GDI2: variants seen among roughly 807,000 people sequenced by gnomAD.
GDI2 encodes the protein rab GDP dissociation inhibitor beta.
GDI2 carries 22 observed loss-of-function variants against 54.2 expected under a neutral mutation model. That is an observed-to-expected ratio of 0.41 (90% CI 0.29 to 0.58). GDI2 has a LOEUF of 0.58. GDI2 is among the 20% of genes least tolerant of loss of function. The probability of loss-of-function intolerance (pLI) is 0.35; values close to 1 mark genes in which losing one functional copy is unlikely to be tolerated. For missense variants in GDI2, 422 were observed against 546.0 expected (o/e 0.77, Z 2.26); for synonymous variants, 177 against 182.1 (o/e 0.97, Z 0.23).
intron 1 of GDI2, among the ~76,000 whole-genome samples, chr10:5,812,674 C>A (rs578162208): frequency 1.3e-5 from 2 of 152,316 alleles, no homozygotes; most frequent in South Asian, 4.1e-4. Context: ...CACGTTTTCG[C>A]CAAAAATATA....
intron 4 of GDI2, among the ~76,000 whole-genome samples, chr10:5,792,832 G>GA (rs1040040160): frequency 2.0e-5 from 3 of 151,208 alleles, no homozygotes; most frequent in African/African-American, 4.9e-5. Context: ...TTATATATCT[G>GA]AAAAAATCAG....
intron 3 of GDI2, among the ~76,000 whole-genome samples, chr10:5,796,155 G>C (rs530959540): frequency 3.6e-4 from 55 of 152,058 alleles, no homozygotes; most frequent in African/African-American, 1.3e-3. Flanking sequence ...TTCAAGACCA[G>C]CCTGGCCAAC....
chr10:5,766,230 TC>T lies in GDI2; in HGVS notation c.1191+10del. On this transcript the variant is annotated intron_variant, in intron 10 of 10. Transcript: ENST00000380191. This position sits in a 1 kb window ranked among gnomAD's most constrained non-coding sequence, Gnocchi z 5.8. Reference sequence around the variant, plus strand: ...AAACCTGCCCATATCCTTTCACACTTCCATACTCACCTGGCTTTCTGTTCCC... The same window carrying T: ...AAACCTGCCCATATCCTTTCACACTTCATACTCACCTGGCTTTCTGTTCCC... 2 of 1,612,396 alleles carry T rather than the reference TC, an allele frequency of 1.2e-6. No homozygotes were observed. The highest frequency in any genetic ancestry group is 1.3e-5 in the African/African-American group (1 of 75,010).
At chr10:5,788,581 G>A (rs1333983328) in intron 4 of GDI2, among the ~76,000 whole-genome samples, 1 of 151,962 alleles carries the variant, frequency 6.6e-6, no homozygotes, top group Non-Finnish European at 1.5e-5. Context: ...ACTAACGATA[G>A]CTAATGAGCT....
intron 4 of GDI2, among the ~76,000 whole-genome samples, chr10:5,790,897 T>G (rs1486024107): frequency 6.6e-6 from 1 of 152,208 alleles, no homozygotes; most frequent in African/African-American, 2.4e-5. Flanking sequence ...GGCTCACGCC[T>G]GTAGTGCTAA....
Position 5,776,852 on chromosome 10 carries a change from T to C in GDI2, c.720-2911A>G, listed in dbSNP as rs1358164640. ...GCTGAGGATATTCTGAAAGGATTTA[T>C]GAATAATTAAAATGGAAGGCCAGAG... On this transcript the variant is annotated intron_variant, in intron 6 of 10. Coordinates refer to ENST00000380191, the MANE Select transcript of GDI2 (RefSeq NM_001494.4). The surrounding 1 kb of genome is among the most constrained non-coding windows in gnomAD (Gnocchi z 5.3). 1.0e-5 allele frequency: 13 copies of C among 1,248,870 alleles called. No homozygotes were observed. In the South Asian group the frequency reaches 1.8e-4, roughly 17 times the overall value. The allele number at this position is 1,248,870 out of a possible 1,614,324, so 77.4% of individuals were successfully genotyped here. A position where few individuals can be genotyped will look rare whatever the true frequency, so the allele number is the denominator to read the frequency against.
intron 6 of GDI2, among the ~76,000 whole-genome samples, chr10:5,783,503 G>T (rs909116164): frequency 4.6e-5 from 7 of 152,132 alleles, no homozygotes; most frequent in African/African-American, 1.7e-4. Context: ...TTGTTTGCCT[G>T]AACACCTTGT....
intron 7 of GDI2, chr10:5,769,022 T>A (rs1385728442): frequency 6.6e-6 from 1 of 152,156 alleles, no homozygotes. Context: ...CATGGTGGCA[T>A]GTGCCTGTAA....
intron 6 of GDI2, among the ~76,000 whole-genome samples, chr10:5,781,195 G>A (rs1840746017): frequency 6.8e-6 from 1 of 147,484 alleles, no homozygotes; most frequent in Non-Finnish European, 1.5e-5. Flanking sequence ...AGAACCTCAA[G>A]TCTTACCTCA....
intron 4 of GDI2, among the ~76,000 whole-genome samples, chr10:5,786,730 G>A (rs1202516849): frequency 1.3e-5 from 2 of 152,160 alleles, no homozygotes; most frequent in Non-Finnish European, 2.9e-5. Flanking sequence ...TCTACACTCA[G>A]CCAATTGCCT....
intron 6 of GDI2, among the ~76,000 whole-genome samples, chr10:5,777,693 T>C (rs1840658374): frequency 6.6e-6 from 1 of 152,184 alleles, no homozygotes; most frequent in African/African-American, 2.4e-5. Context: ...GGTGGGAGTG[T>C]AAATTAGTTC....
intron 1 of GDI2, among the ~76,000 whole-genome samples, chr10:5,803,530 T>C (rs1256690915): frequency 1.3e-5 from 2 of 152,216 alleles, no homozygotes; most frequent in African/African-American, 4.8e-5. Flanking sequence ...TCTAATATGA[T>C]AAATATCAAT....
At chr10:5,770,792 C>T (rs973573213) in intron 7 of GDI2, among the ~76,000 whole-genome samples, 3 of 151,502 alleles carry the variant, frequency 2.0e-5, no homozygotes, top group African/African-American at 7.3e-5. Flanking sequence ...CTGGTGAAAC[C>T]CCATCTCTAC....
rs757046570 is a variant in GDI2 at position 5,766,604 on chromosome 10, A to G, written c.1026T>C (p.Asn342=). ...CAATGTACTTCCCTTGTGCTGCTAC[A>G]TTGTGCGCAAAGGAGATCATGCAGA... ...IYVCMISFAH[N]VAAQGKYIAI... Residue 342 remains asparagine, a synonymous_variant, in exon 9 of 11, where the codon AAT becomes AAC. Transcript: ENST00000380191. The surrounding 1 kb of genome is among the most constrained non-coding windows in gnomAD (Gnocchi z 5.8). 4.3e-6 allele frequency: 7 copies of G among 1,613,410 alleles called. No homozygotes were observed. In the Admixed American group the frequency reaches 6.7e-5, roughly 15 times the overall value.
intron 1 of GDI2, among the ~76,000 whole-genome samples, chr10:5,808,915 T>G (rs1203769519): frequency 6.6e-6 from 1 of 152,126 alleles, no homozygotes; most frequent in East Asian, 1.9e-4. Flanking sequence ...ATGAAGAATG[T>G]TTCTTTAAAT....
At chr10:5,779,193 CAAGT>C (rs1840694711) in intron 6 of GDI2, among the ~76,000 whole-genome samples, 1 of 152,024 alleles carries the variant, frequency 6.6e-6, no homozygotes, top group African/African-American at 2.4e-5. Flanking sequence ...TCAAAACAGT[CAAGT>C]AAATAGAGAA....
intron 6 of GDI2, among the ~76,000 whole-genome samples, chr10:5,783,984 C>A (rs966180150): frequency 3.9e-4 from 60 of 152,272 alleles, no homozygotes; most frequent in African/African-American, 1.4e-3. Flanking sequence ...ATGTCTAGAT[C>A]TCTAGCAAGG....
At chr10:5,788,930 T>A (rs79535617) in intron 4 of GDI2, among the ~76,000 whole-genome samples, 1 of 151,328 alleles carries the variant, frequency 6.6e-6, no homozygotes, top group South Asian at 2.1e-4. Context: ...ACCTGGCTAA[T>A]TTTTTTTTGT....
chr10:5,798,122 T>G (rs529307985), intron 2 of GDI2, among the ~76,000 whole-genome samples: 4 of 152,220 alleles, frequency 2.6e-5, no homozygotes, highest in Admixed American at 1.3e-4. Context: ...ATTGTCCTTT[T>G]GTTCTTTTAT....
Sources: allele counts gnomAD v4.1 joint callset (sites outside exome capture counted in the v4.1 genomes callset), GRCh38; gene constraint gnomAD v4.1.1; non-coding constraint Gnocchi (gnomAD v3.1); transcripts MANE v1.5; gene names NCBI Gene and HGNC (gene_info 2026-07-23, HGNC 2026-07-21).